PCDH9: variants seen among roughly 807,000 people sequenced by gnomAD.
PCDH9 encodes protocadherin 9.
Under a neutral mutation model 70.6 loss-of-function variants are expected in PCDH9, and 24 were observed. The observed-to-expected ratio is 0.34, with a 90% CI of 0.25 to 0.48. The LOEUF (loss-of-function observed/expected upper bound fraction) is 0.48, where lower values mean the gene tolerates loss of function less well. PCDH9 is among the 20% of genes least tolerant of loss of function. The probability of loss-of-function intolerance (pLI) is 0.99; values close to 1 mark genes in which losing one functional copy is unlikely to be tolerated. For missense variants in PCDH9, 1,281 were observed against 1,503.6 expected, an observed-to-expected ratio of 0.85 and a Z score of 2.45; for synonymous variants, 562 against 558.5, an observed-to-expected ratio of 1.01 and a Z score of -0.09.
chr13:67,084,997 A>AATATATATATATATATATATATAT (rs763373225), intron 2 of PCDH9, among the ~76,000 whole-genome samples: 15 of 33,194 alleles, frequency 4.5e-4, no homozygotes, highest in South Asian at 3.0e-3. Flanking sequence ...AAAAAAAAAA[A>AATATATATATATATATATATATAT]ATATATATAT....
chr13:66,500,726 C>G (rs1023722053), intron 4 of PCDH9, among the ~76,000 whole-genome samples: 2 of 152,020 alleles, frequency 1.3e-5, no homozygotes, highest in African/African-American at 4.8e-5. Flanking sequence ...ACGGTATATT[C>G]TTGCTGTCTT....
intron 3 of PCDH9, among the ~76,000 whole-genome samples, chr13:66,674,010 T>C (rs1391687388): frequency 2.0e-5 from 3 of 152,094 alleles, no homozygotes; most frequent in Non-Finnish European, 4.4e-5. Context: ...GGGTCTAAAG[T>C]TTGCAAATAT....
rs1367124020 is a variant in PCDH9 at position 67,187,157 on chromosome 13, G to A, written c.3036+38248C>T. 2.6e-5 allele frequency among the ~76,000 whole-genome samples: 4 copies of A among 152,074 alleles called. No individual in the cohort carries two copies. In the East Asian group the frequency reaches 5.8e-4, roughly 22 times the overall value. ...CATGATGGTCATGCTGTTCCATGAC[G>A]CTGTGAAAGACAAACAAAGAACAAA... On this transcript the variant is annotated intron_variant, in intron 2 of 4. Transcript: ENST00000377865.
intron 2 of PCDH9, among the ~76,000 whole-genome samples, chr13:67,195,402 C>A (rs916545713): frequency 6.6e-6 from 1 of 152,140 alleles, no homozygotes; most frequent in African/African-American, 2.4e-5. Context: ...CTCGGCCTCC[C>A]AAAGTGCTGG....
chr13:66,627,217 T>C lies in PCDH9; in HGVS notation c.3340+3993A>G, dbSNP rs182468531. On this transcript the variant is annotated intron_variant, in intron 4 of 4. Transcript: ENST00000377865. ...TTCTACAGATCATACTGACATCCAA[T>C]AGAAACCTATTTTACCTGCTATAAA... Among the ~76,000 whole-genome samples, 4 of 152,216 alleles carry C rather than the reference T, an allele frequency of 2.6e-5. No individual in the cohort carries two copies. The East Asian group carries it at 5.8e-4, about 22-fold the overall frequency.
chr13:66,811,211 C>T (rs1379678545), intron 3 of PCDH9, among the ~76,000 whole-genome samples: 1 of 152,082 alleles, frequency 6.6e-6, no homozygotes, highest in Non-Finnish European at 1.5e-5. Context: ...AATTCACAGC[C>T]TCTTGAGTCT....
intron 4 of PCDH9, among the ~76,000 whole-genome samples, chr13:66,587,439 T>C (rs765758937): frequency 2.0e-5 from 3 of 152,154 alleles, no homozygotes; most frequent in Non-Finnish European, 4.4e-5. Context: ...TACCATCTTC[T>C]GAGCAATTAT....
chr13:66,811,177 T>C (rs1180354255), intron 3 of PCDH9, among the ~76,000 whole-genome samples: 1 of 152,210 alleles, frequency 6.6e-6, no homozygotes, highest in Non-Finnish European at 1.5e-5. Context: ...TACCAAGATA[T>C]TAAGAATGCT....
chr13:66,429,236 T>C (rs1018920005), intron 4 of PCDH9, among the ~76,000 whole-genome samples: 1 of 151,714 alleles, frequency 6.6e-6, no homozygotes, highest in Non-Finnish European at 1.5e-5. Flanking sequence ...GAATGACATG[T>C]CTGAGAAAAG....
At chr13:66,488,201 C>G (rs1219171561) in intron 4 of PCDH9, among the ~76,000 whole-genome samples, 1 of 152,152 alleles carries the variant, frequency 6.6e-6, no homozygotes, top group African/African-American at 2.4e-5. Context: ...ACGCTGAAAT[C>G]AAGCCAATGT....
At chr13:67,007,056 G>A (rs774249438) in intron 2 of PCDH9, among the ~76,000 whole-genome samples, 3 of 152,002 alleles carry the variant, frequency 2.0e-5, no homozygotes, top group Admixed American at 6.6e-5. Context: ...TACTACCAGC[G>A]TGTGAACATA....
At chr13:66,972,290 T>C (rs2083537845) in intron 2 of PCDH9, among the ~76,000 whole-genome samples, 1 of 151,926 alleles carries the variant, frequency 6.6e-6, no homozygotes, top group African/African-American at 2.4e-5. Context: ...ATTAATTGTG[T>C]TTTTCTACCA....
At chr13:67,027,979 A>T (rs978390405) in intron 2 of PCDH9, among the ~76,000 whole-genome samples, 2 of 150,002 alleles carry the variant, frequency 1.3e-5, no homozygotes, top group East Asian at 2.0e-4. Flanking sequence ...TGGGACTGTA[A>T]ACTAGTTCAA....
chr13:66,355,829 GAACAT>G, intron 4 of PCDH9, among the ~76,000 whole-genome samples: 1 of 152,044 alleles, frequency 6.6e-6, no homozygotes, highest in Non-Finnish European at 1.5e-5. Flanking sequence ...AGACTTTATA[GAACAT>G]AACTACTGAA....
At chr13:67,054,602 A>G (rs1025957907) in intron 2 of PCDH9, among the ~76,000 whole-genome samples, 36 of 152,178 alleles carry the variant, frequency 2.4e-4, no homozygotes, top group African/African-American at 8.4e-4. Flanking sequence ...AGTTTTTGAC[A>G]ATTATGTTAA....
At chr13:66,879,747 A>G (rs1263607375) in intron 3 of PCDH9, among the ~76,000 whole-genome samples, 1 of 152,202 alleles carries the variant, frequency 6.6e-6, no homozygotes, top group Non-Finnish European at 1.5e-5. Flanking sequence ...ATGAAAGGAA[A>G]TCTCAAAAAC....
intron 3 of PCDH9, among the ~76,000 whole-genome samples, chr13:66,832,732 A>G (rs1045623076): frequency 6.6e-6 from 1 of 152,156 alleles, no homozygotes; most frequent in African/African-American, 2.4e-5. Flanking sequence ...TTGGAATCCT[A>G]TCAAATAGCT....
chr13:66,674,232 G>A (rs911423395), intron 3 of PCDH9, among the ~76,000 whole-genome samples: 4 of 151,932 alleles, frequency 2.6e-5, no homozygotes, highest in Non-Finnish European at 5.9e-5. Context: ...ATCTGTCCTT[G>A]TATTCATAAT....
intron 1 of PCDH9, among the ~76,000 whole-genome samples, chr13:67,228,788 A>C (rs2089944668): frequency 6.6e-6 from 1 of 152,142 alleles, no homozygotes; most frequent in Admixed American, 6.5e-5. Context: ...TGAATTAAGG[A>C]CAGCTGCTAT....
Sources: gnomAD v4.1 joint callset for allele counts (sites outside exome capture counted in the v4.1 genomes callset) on GRCh38, gnomAD v4.1.1 for gene constraint, MANE v1.5 for transcripts, NCBI Gene and HGNC (gene_info 2026-07-23, HGNC 2026-07-21) for gene names.